ADD1: variants seen among roughly 807,000 people sequenced by gnomAD.
ADD1 encodes alpha-adducin.
Under a neutral mutation model 80.5 loss-of-function variants are expected in ADD1, and 24 were observed. The ratio of observed to expected loss-of-function variants is 0.30; its 90% CI spans 0.22 to 0.42. ADD1 has a LOEUF of 0.42. Among genes scored for constraint, ADD1 ranks in the 10% least tolerant of loss-of-function variants. The probability of loss-of-function intolerance (pLI) is 1.00; values close to 1 mark genes in which losing one functional copy is unlikely to be tolerated. For missense variants in ADD1, 948 were observed against 1,019.0 expected (o/e 0.93, Z 0.95); for synonymous variants, 373 against 393.8 (o/e 0.95, Z 0.63).
chr4:2,892,758 C>T (rs923200100), intron 4 of ADD1, among the ~76,000 whole-genome samples: 5 of 151,242 alleles, frequency 3.3e-5, no homozygotes, highest in African/African-American at 1.2e-4. Context: ...TCACTTGAGT[C>T]AGGAGGTTGA....
intron 3 of ADD1, 98 bp from the exon 4 acceptor site, chr4:2,884,417 A>T: frequency 1.0e-6 from 1 of 977,322 alleles, no homozygotes. Context: ...CCTCAAACTC[A>T]TGGCTTCAAG....
intron 14 of ADD1, among the ~76,000 whole-genome samples, chr4:2,922,514 T>A (rs2109191724): frequency 6.6e-6 from 1 of 152,348 alleles, no homozygotes; most frequent in African/African-American, 2.4e-5. Flanking sequence ...TCTGGAAGTT[T>A]CGTCCCAGAG....
At chr4:2,898,946 G>A (rs565275016) in intron 8 of ADD1, 105 of 385,032 alleles carry the variant, frequency 2.7e-4, no homozygotes, top group Non-Finnish European at 4.2e-4. Flanking sequence ...TCCGTCAGCC[G>A]TTAGTTCACG....
At chr4:2,927,560 C>T (rs894960312) in intron 15 of ADD1, among the ~76,000 whole-genome samples, 13 of 152,216 alleles carry the variant, frequency 8.5e-5, no homozygotes, top group Admixed American at 2.0e-4. Context: ...TCCTCAGGGC[C>T]GCTGTGCTCC....
chr4:2,909,521 A>G (rs1329743766), intron 13 of ADD1, 90 bp downstream of exon 13: 5 of 861,960 alleles, frequency 5.8e-6, no homozygotes, highest in Non-Finnish European at 8.8e-6. Context: ...GCATTGTCTT[A>G]GTTACTGAAG....
chr4:2,896,202 T>C (rs1735195764), intron 6 of ADD1, among the ~76,000 whole-genome samples: 1 of 150,568 alleles, frequency 6.6e-6, no homozygotes, highest in Non-Finnish European at 1.5e-5. Context: ...ATGCTGTATT[T>C]TAATTGATCT....
chr4:2,905,314 A>G lies in ADD1; in HGVS notation c.1506+206A>G, dbSNP rs1442208221. 19 of 591,368 alleles carry G rather than the reference A, an allele frequency of 3.2e-5. No individual in the cohort carries two copies. The East Asian group carries it at 5.0e-4, about 16-fold the overall frequency. 36.6% of individuals were successfully genotyped at this position (591,368 alleles called of 1,614,324 possible). A position where few individuals can be genotyped will look rare whatever the true frequency, so the allele number is the denominator to read the frequency against. On this transcript the variant is annotated intron_variant, in intron 10 of 15. Transcript: ENST00000683351. The stretch of plus-strand genomic sequence containing the variant: ...TCTGCTTGAAACTGCTTAAGATGTA[A>G]TGTAACTCCGCAGTAGTTCCAGTAT...
In ADD1 at chr4:2,904,934, G is replaced by C; in HGVS notation, c.1332G>C (p.Lys444Asn). 8 of 1,614,198 alleles carry C rather than the reference G, an allele frequency of 5.0e-6. No individual in the cohort carries two copies. Among genetic ancestry groups the C allele is most frequent in the Non-Finnish European group, 6.8e-6 (8 of 1,180,046 alleles). Residue 444 changes from lysine (K) to asparagine (N), a missense_variant, in exon 10 of 16, where the codon AAG becomes AAC. Physicochemically the swap from Lys to Asn is moderately conservative, Grantham distance 94 (BLOSUM62 0). Coordinates refer to ENST00000683351, the MANE Select transcript of ADD1 (RefSeq NM_001354761.2). ...GTTTTCAGAAGCAGCAGCGGGAGAA[G>C]ACAAGATGGCTGAACTCTGGCCGGG... ...RHSFQKQQRE[K>N]TRWLNSGRGD...
intron 1 of ADD1, among the ~76,000 whole-genome samples, chr4:2,858,833 A>G (rs1038702077): frequency 2.6e-5 from 4 of 152,224 alleles, no homozygotes; most frequent in South Asian, 4.1e-4. Context: ...CAAACAAAGA[A>G]TAATAAACAT....
intron 1 of ADD1, among the ~76,000 whole-genome samples, chr4:2,864,204 G>A (rs1729210334): frequency 1.3e-5 from 2 of 152,190 alleles, no homozygotes; most frequent in Non-Finnish European, 1.5e-5. Flanking sequence ...CCTGAGTTCA[G>A]GAGTTCGAGA....
At chr4:2,847,795 G>A (rs1726479156) in intron 1 of ADD1, among the ~76,000 whole-genome samples, 1 of 152,152 alleles carries the variant, frequency 6.6e-6, no homozygotes, top group African/African-American at 2.4e-5. Flanking sequence ...AGCAGGGAGG[G>A]AGCTTCCAGG....
At chr4:2,894,772 CT>C in intron 6 of ADD1, 41 bp downstream of exon 6, 1 of 1,561,866 alleles carries the variant, frequency 6.4e-7, no homozygotes, top group Non-Finnish European at 8.6e-7. Flanking sequence ...TCTAAAGCTG[CT>C]GAGTGAAAGG....
At chr4:2,921,982 A>G (rs1415786725) in intron 14 of ADD1, among the ~76,000 whole-genome samples, 1 of 151,728 alleles carries the variant, frequency 6.6e-6, no homozygotes, top group Admixed American at 6.6e-5. Flanking sequence ...TTTCAGCTCC[A>G]TCAGATCATT....
chr4:2,886,359 T>G (rs1733366953), intron 4 of ADD1, among the ~76,000 whole-genome samples: 1 of 152,244 alleles, frequency 6.6e-6, no homozygotes, highest in Admixed American at 6.5e-5. Flanking sequence ...CCTCTGGGAC[T>G]TGATATTGGT....
chr4:2,885,805 T>C (rs570168395), intron 4 of ADD1, among the ~76,000 whole-genome samples: 107 of 151,900 alleles, frequency 7.0e-4, no homozygotes, highest in African/African-American at 2.0e-3. Flanking sequence ...AGAGACGGGG[T>C]TTCACCGTGT....
chr4:2,920,973 C>G (rs1465634021), intron 14 of ADD1, among the ~76,000 whole-genome samples: 5 of 152,130 alleles, frequency 3.3e-5, no homozygotes. Context: ...GTGGGTGGAA[C>G]TGGTTTTTGC....
At chr4:2,848,714 T>C (rs567576092) in intron 1 of ADD1, among the ~76,000 whole-genome samples, 2 of 152,190 alleles carry the variant, frequency 1.3e-5, no homozygotes, top group South Asian at 4.2e-4. Context: ...TGGTCTCAAG[T>C]GATCCTCCTG....
At chr4:2,919,918 T>C (rs1345991265) in intron 14 of ADD1, among the ~76,000 whole-genome samples, 1 of 152,206 alleles carries the variant, frequency 6.6e-6, no homozygotes, top group Non-Finnish European at 1.5e-5. Flanking sequence ...CTAATTCTTT[T>C]AATTATGATG....
intron 2 of ADD1, chr4:2,881,600 A>G (rs1326635654): frequency 3.0e-5 from 7 of 232,090 alleles, no homozygotes; most frequent in Admixed American, 5.7e-5. Flanking sequence ...CCTTTTATCA[A>G]TAATACTGGA....
Sources: gnomAD v4.1 joint callset for allele counts (sites outside exome capture counted in the v4.1 genomes callset) on GRCh38, gnomAD v4.1.1 for gene constraint, MANE v1.5 for transcripts, NCBI Gene and HGNC (gene_info 2026-07-23, HGNC 2026-07-21) for gene names.